The following KIAA1755 variants were observed in gnomAD, a reference collection of about 807,000 sequenced individuals.
KIAA1755 encodes uncharacterized protein KIAA1755.
KIAA1755 carries 68 observed loss-of-function variants against 91.7 expected under a neutral mutation model. The observed-to-expected ratio is 0.74, with a 90% CI of 0.61 to 0.91. The LOEUF is 0.91. KIAA1755 is among the 40% of genes least tolerant of loss of function. The pLI is 0.00. For synonymous variants in KIAA1755, 610 were observed against 604.6 expected (o/e 1.01, Z -0.13); for missense variants, 1,535 against 1,494.4 (o/e 1.03, Z -0.45).
chr20:38,217,208 C>T, intron 13 of KIAA1755, 45 bp downstream of exon 13: 1 of 1,499,460 alleles, frequency 6.7e-7, no homozygotes, highest in East Asian at 2.4e-5. Flanking sequence ...ATAGCCCCAG[C>T]CAGGGGATCG....
At chr20:38,247,734 C>T (rs1319156084) in intron 1 of KIAA1755, among the ~76,000 whole-genome samples, 4 of 152,204 alleles carry the variant, frequency 2.6e-5, no homozygotes, top group Admixed American at 2.6e-4. Flanking sequence ...CTGGATTAGA[C>T]AAATGGGCCC....
Position 38,220,487 on chromosome 20 carries a change from G to T in KIAA1755, c.2418-719C>A, listed in dbSNP as rs946155586. On this transcript the variant is annotated intron_variant, in intron 10 of 13. Coordinates refer to ENST00000279024, the MANE Select transcript of KIAA1755 (RefSeq NM_001029864.2). Reference sequence around the variant, plus strand: ...GCACCACCATGCCGGGCTAATTTTTGTATTTTTAGTAGAGACAGGGTTTCA... The same window carrying T: ...GCACCACCATGCCGGGCTAATTTTTTTATTTTTAGTAGAGACAGGGTTTCA... Among the ~76,000 whole-genome samples, 3 of 151,876 alleles carry T rather than the reference G, an allele frequency of 2.0e-5. No individual in the cohort carries two copies. In the East Asian group the frequency reaches 5.8e-4, roughly 29 times the overall value.
chr20:38,249,949 C>T (rs2076219041), intron 1 of KIAA1755, among the ~76,000 whole-genome samples: 1 of 152,196 alleles, frequency 6.6e-6, no homozygotes, highest in Admixed American at 6.5e-5. Flanking sequence ...GACGTTGGCT[C>T]CAGCCTCTCT....
At position 38,256,343 on chromosome 20, in the gene KIAA1755, C is replaced by T. The variant is rs965394326; in HGVS notation, c.3+4155G>A. Reference sequence around the variant, plus strand: ...TCCCAGCTTACCTTCCCTACTTCTTCTAAACATACTTTATGCTGTAGCCCA... The same window carrying T: ...TCCCAGCTTACCTTCCCTACTTCTTTTAAACATACTTTATGCTGTAGCCCA... On this transcript the variant is annotated intron_variant, in intron 1 of 13. Transcript: ENST00000279024. 5.3e-5 allele frequency among the ~76,000 whole-genome samples: 8 copies of T among 152,362 alleles called. No homozygotes were observed. The East Asian group carries it at 1.5e-3, about 29-fold the overall frequency.
chr20:38,256,307 C>T (rs372433395), intron 1 of KIAA1755, among the ~76,000 whole-genome samples: 18 of 152,272 alleles, frequency 1.2e-4, no homozygotes, highest in South Asian at 6.2e-4. Context: ...TGCTGTGGCC[C>T]GTCAGTCAGC....
chr20:38,254,610 A>G (rs756049483), intron 1 of KIAA1755, among the ~76,000 whole-genome samples: 58 of 148,032 alleles, frequency 3.9e-4, no homozygotes, highest in Non-Finnish European at 3.5e-4. Flanking sequence ...CAACATAGTG[A>G]CAGCCTGTCT....
intron 6 of KIAA1755, among the ~76,000 whole-genome samples, 155 bp from the exon 7 acceptor site, chr20:38,227,395 T>C (rs533416008): frequency 4.6e-4 from 70 of 152,324 alleles, no homozygotes; most frequent in African/African-American, 1.6e-3. Flanking sequence ...TGTGATACGT[T>C]TGGACCGTGA....
At position 38,239,600 on chromosome 20, in the gene KIAA1755, G is replaced by C; in HGVS notation, c.1675C>G (p.Pro559Ala). The change falls in exon 4 of 14, where the codon CCC becomes GCC. Residue 559 changes from proline (P) to alanine (A), a missense_variant. Coordinates refer to ENST00000279024, the MANE Select transcript of KIAA1755 (RefSeq NM_001029864.2). ...CCAATCCTGGGCTCAGGCCCTGGGG[G>C]CTCCTCCTCCAGGGTGGGGCCTCTT... The part of the protein sequence containing the change: ...PERGPTLEEE[P>A]PGPEPRIGAL... 1.2e-6 allele frequency: 2 copies of C among 1,607,358 alleles called. No homozygotes were observed. The highest frequency in any genetic ancestry group is 1.7e-6 in the Non-Finnish European group (2 of 1,177,804).
chr20:38,254,992 C>T (rs902104038), intron 1 of KIAA1755, among the ~76,000 whole-genome samples: 17 of 152,090 alleles, frequency 1.1e-4, no homozygotes, highest in African/African-American at 3.9e-4. Flanking sequence ...GCCTGGCCAA[C>T]ATAGTGCAAC....
At chr20:38,230,839 G>A (rs1442720030) in intron 5 of KIAA1755, among the ~76,000 whole-genome samples, 1 of 150,604 alleles carries the variant, frequency 6.6e-6, no homozygotes, top group African/African-American at 2.4e-5. Context: ...AGTGAGCTGA[G>A]ATTGCATTGT....
At chr20:38,234,960 G>T (rs1224315830) in intron 4 of KIAA1755, among the ~76,000 whole-genome samples, 1 of 152,220 alleles carries the variant, frequency 6.6e-6, no homozygotes, top group Non-Finnish European at 1.5e-5. Flanking sequence ...TGAGCCTCAG[G>T]TGAAAATGAG....
At chr20:38,235,772 T>C (rs1216015777) in intron 4 of KIAA1755, among the ~76,000 whole-genome samples, 1 of 152,258 alleles carries the variant, frequency 6.6e-6, no homozygotes, top group African/African-American at 2.4e-5. Context: ...TTGTAATAAC[T>C]TGTTATGGCC....
At chr20:38,232,416 G>A (rs1426634383) in intron 4 of KIAA1755, among the ~76,000 whole-genome samples, 1 of 151,576 alleles carries the variant, frequency 6.6e-6, no homozygotes, top group Non-Finnish European at 1.5e-5. Context: ...CACGAGGTCA[G>A]GAGATCGACA....
chr20:38,240,815 A>G lies in KIAA1755; in HGVS notation c.1316T>C (p.Ile439Thr), dbSNP rs757840549. 3.1e-6 allele frequency: 5 copies of G among 1,613,612 alleles called. No individual in the cohort carries two copies. The African/African-American group carries it at 4.0e-5, about 13-fold the overall frequency. ...ATTTCTCTCTTTGGTCTTCACCTCT[A>G]TCTTTGTTTCAGAGGCTGCAGCTGC... ...SPAAAASETK[I>T]EVKTKERNGR... is the part of the protein sequence containing the mutation. Residue 439 changes from isoleucine (I) to threonine (T), a missense_variant, in exon 3 of 14, where the codon ATA becomes ACA. Ile to Thr is a moderately conservative substitution (Grantham distance 89). Coordinates refer to ENST00000279024, the MANE Select transcript of KIAA1755 (RefSeq NM_001029864.2).
intron 2 of KIAA1755, among the ~76,000 whole-genome samples, chr20:38,242,442 G>A (rs1252872645): frequency 3.3e-5 from 5 of 152,120 alleles, no homozygotes; most frequent in Non-Finnish European, 7.3e-5. Flanking sequence ...TTATACAGAT[G>A]GCCTCAATTT....
intron 1 of KIAA1755, among the ~76,000 whole-genome samples, chr20:38,251,941 C>T (rs1220473948): frequency 6.6e-6 from 1 of 152,104 alleles, no homozygotes; most frequent in Non-Finnish European, 1.5e-5. Context: ...GCCTTTTTAA[C>T]CTATGTATGA....
intron 9 of KIAA1755, 73 bp downstream of exon 9, chr20:38,223,465 C>T (rs1004282545): frequency 7.8e-6 from 8 of 1,026,142 alleles, no homozygotes; most frequent in Non-Finnish European, 1.1e-5. Flanking sequence ...CAGGCCGTCC[C>T]CTTCTCGAAG....
Position 38,239,266 on chromosome 20 carries a change from T to C in KIAA1755, c.1747+262A>G, listed in dbSNP as rs992006835. ...CAGGCTCTGCTTCTGGGGAACCCAG[T>C]ATCCACCTTGGCTGCTTCACTGATG... On this transcript the variant is annotated intron_variant, in intron 4 of 13. Transcript: ENST00000279024. Among the ~76,000 whole-genome samples, 131 of 152,252 alleles carry C rather than the reference T, an allele frequency of 8.6e-4. 3 individuals are homozygous for C. Among genetic ancestry groups the C allele is most frequent in the Admixed American group, 8.4e-3 (129 of 15,290 alleles).
intron 3 of KIAA1755, 33 bp from the exon 4 acceptor site, chr20:38,239,758 T>G (rs986142154): frequency 6.3e-7 from 1 of 1,587,198 alleles, no homozygotes; most frequent in African/African-American, 1.3e-5. Flanking sequence ...AAAAGGACGT[T>G]AAGCAGAAGA....
Sources: gnomAD v4.1 joint callset for allele counts (sites outside exome capture counted in the v4.1 genomes callset) on GRCh38, gnomAD v4.1.1 for gene constraint, MANE v1.5 for transcripts, NCBI Gene and HGNC (gene_info 2026-07-23, HGNC 2026-07-21) for gene names.